The following SNX10 variants were observed in gnomAD, a reference collection of about 807,000 sequenced individuals.
The protein encoded by SNX10 is sorting nexin-10.
A neutral mutation model predicts 28.5 loss-of-function variants in SNX10; 25 were observed. The ratio of observed to expected loss-of-function variants is 0.88; its 90% CI spans 0.64 to 1.22. The LOEUF (loss-of-function observed/expected upper bound fraction) is 1.22. Among genes scored for constraint, SNX10 ranks in the 50% most tolerant of loss-of-function variants. The pLI, the probability that SNX10 is intolerant of heterozygous loss-of-function variation, is 0.00. For synonymous variants in SNX10, 62 were observed against 81.4 expected (o/e 0.76, Z 1.28); for missense variants, 223 against 242.6 (o/e 0.92, Z 0.54).
chr7:26,309,810 C>T (rs1038988949), intron 1 of SNX10, among the ~76,000 whole-genome samples: 1 of 152,052 alleles, frequency 6.6e-6, no homozygotes, highest in Non-Finnish European at 1.5e-5. Context: ...CTGCCTGGGC[C>T]GCGATCCTGG....
At position 26,335,735 on chromosome 7, in the gene SNX10, C is replaced by CTTTT. The variant is rs57340085; in HGVS notation, c.-23-10662_-23-10659dup. ...AAAATAACCTCGCAGATGGAATATT[C>CTTTT]TTTTTTTTTTTTTTTTTTTTTTTTT... On this transcript the variant is annotated intron_variant, in intron 1 of 6. Transcript: ENST00000338523. 2.3e-3 allele frequency among the ~76,000 whole-genome samples: 191 copies of CTTTT among 84,268 alleles called. 22 individuals carry two copies. Among genetic ancestry groups the CTTTT allele is most frequent in the Non-Finnish European group, 2.8e-3 (120 of 43,300 alleles). The allele number at this position is 84,268 out of a possible 152,430, so 55.3% of individuals were successfully genotyped here. A position where few individuals can be genotyped will look rare whatever the true frequency, so the allele number is the denominator to read the frequency against.
In SNX10 at chr7:26,364,383, C is replaced by T; in HGVS notation, c.112-152C>T. 1 of 1,380,890 alleles carries T rather than the reference C, an allele frequency of 7.2e-7. No homozygotes were observed. The highest frequency in any genetic ancestry group is 9.4e-7 in the Non-Finnish European group (1 of 1,068,134). 85.5% of individuals were successfully genotyped at this position (1,380,890 alleles called of 1,614,324 possible). ...GGCTGTTATGTTCCTGGGTTATGTGCAAGATTTCAGAGTACTGGCATAAAT... is the reference window on the plus strand; with the variant it reads ...GGCTGTTATGTTCCTGGGTTATGTGTAAGATTTCAGAGTACTGGCATAAAT... On this transcript the variant is annotated intron_variant, in intron 3 of 6. Transcript: ENST00000338523. The surrounding 1 kb of genome is among the most constrained non-coding windows in gnomAD (Gnocchi z 4.9).
chr7:26,358,961 A>G (rs915004247), intron 2 of SNX10, among the ~76,000 whole-genome samples: 1 of 151,604 alleles, frequency 6.6e-6, no homozygotes, highest in African/African-American at 2.4e-5. Context: ...GCCCAACACC[A>G]TGCCCAGCTA....
At chr7:26,339,540 TTTC>T (rs573675643) in intron 1 of SNX10, among the ~76,000 whole-genome samples, 20,649 of 69,334 alleles carry the variant, frequency 0.3, 2,041 homozygotes, top group South Asian at 0.52. Context: ...CTTTTTTTTT[TTTC>T]TTTTTTTTTT....
intron 1 of SNX10, among the ~76,000 whole-genome samples, chr7:26,307,434 T>C (rs2127996049): frequency 6.6e-6 from 1 of 152,216 alleles, no homozygotes; most frequent in Non-Finnish European, 1.5e-5. Flanking sequence ...TCCAAGTTTT[T>C]CTTGTTGTTT....
chr7:26,341,930 C>CTCCCTTCCCTTCCCT (rs55833517), intron 1 of SNX10, among the ~76,000 whole-genome samples: 13 of 146,928 alleles, frequency 8.8e-5, no homozygotes, highest in East Asian at 4.1e-4. Context: ...TTCTGTCCTT[C>CTCCCTTCCCTTCCCT]TCCCTTCCCT....
chr7:26,314,823 C>G (rs1787006269), intron 1 of SNX10, among the ~76,000 whole-genome samples: 1 of 152,028 alleles, frequency 6.6e-6, no homozygotes, highest in Non-Finnish European at 1.5e-5. Context: ...ACAGGTGAAA[C>G]CCTGTCTTTA....
At chr7:26,347,205 C>T (rs1378227735) in intron 2 of SNX10, among the ~76,000 whole-genome samples, 1 of 152,188 alleles carries the variant, frequency 6.6e-6, no homozygotes, top group African/African-American at 2.4e-5. Context: ...AAGCATGAAA[C>T]CATTTATTTC....
chr7:26,365,265 G>A, intron 5 of SNX10, 120 bp downstream of exon 5: 2 of 622,134 alleles, frequency 3.2e-6, no homozygotes, highest in East Asian at 2.8e-5. Context: ...CTGCACTAGA[G>A]CAAAACCCAG....
chr7:26,338,530 T>C (rs1056339871), intron 1 of SNX10, among the ~76,000 whole-genome samples: 26 of 152,148 alleles, frequency 1.7e-4, no homozygotes, highest in Admixed American at 6.5e-4. Flanking sequence ...GCCTCCCGAG[T>C]AGCTGGGACT....
intron 2 of SNX10, among the ~76,000 whole-genome samples, chr7:26,358,923 A>C (rs374128776): frequency 7.5e-4 from 111 of 147,078 alleles, no homozygotes; most frequent in Non-Finnish European, 1.0e-3. Flanking sequence ...TTCCTGCCTC[A>C]GCCTCCTGAG....
At position 26,364,465 on chromosome 7, in the gene SNX10, G is replaced by A; in HGVS notation, c.112-70G>A. ...TTAGAGTGAATGTTGAGATCATATT[G>A]TGAATTATAGATACAAGAAATGCAT... On this transcript the variant is annotated intron_variant, in intron 3 of 6. Transcript: ENST00000338523. The surrounding 1 kb of genome is among the most constrained non-coding windows in gnomAD (Gnocchi z 4.9). The A allele has an allele frequency of 8.0e-6, 12 of 1,509,420 alleles. No individual in the cohort carries two copies. The South Asian group carries it at 1.1e-4, about 14-fold the overall frequency. The allele number at this position is 1,509,420 out of a possible 1,614,324, so 93.5% of individuals were successfully genotyped here.
intron 3 of SNX10, among the ~76,000 whole-genome samples, chr7:26,361,717 A>G (rs766296376): frequency 6.6e-6 from 1 of 152,234 alleles, no homozygotes; most frequent in African/African-American, 2.4e-5. Context: ...GTTTCTGTCG[A>G]GACTACTCAT....
At chr7:26,318,302 G>T (rs182412887) in intron 1 of SNX10, among the ~76,000 whole-genome samples, 1 of 152,092 alleles carries the variant, frequency 6.6e-6, no homozygotes, top group Non-Finnish European at 1.5e-5. Context: ...TTTGAGAAAG[G>T]CGAGTCTTGC....
At chr7:26,344,320 C>T (rs1788298376) in intron 1 of SNX10, among the ~76,000 whole-genome samples, 1 of 152,030 alleles carries the variant, frequency 6.6e-6, no homozygotes, top group Non-Finnish European at 1.5e-5. Context: ...CACGGGCGTG[C>T]CATGACTCCC....
chr7:26,374,210 A>G lies in SNX10; in HGVS notation c.*1638A>G, dbSNP rs1385263558. 3.9e-5 allele frequency: 6 copies of G among 151,980 alleles called. No homozygotes were observed. The highest frequency in any genetic ancestry group is 1.4e-4 in the African/African-American group (6 of 41,422). The allele number at this position is 151,980 out of a possible 1,614,324, so 9.4% of individuals were successfully genotyped here. On this transcript the variant is annotated 3_prime_UTR_variant, in exon 7 of 7. Transcript: ENST00000338523. ...TTGAAAAACACATACTATGCCACCA[A>G]TTGTCATATTATTTTTAGATGATGT... is the stretch of plus-strand genomic sequence containing the variant.
At chr7:26,339,555 A>C (rs1450516940) in intron 1 of SNX10, among the ~76,000 whole-genome samples, 2 of 75,648 alleles carry the variant, frequency 2.6e-5, no homozygotes, top group Non-Finnish European at 2.3e-5. Context: ...TTTTTTTTTG[A>C]CAGAGTCTCA....
chr7:26,330,114 G>A (rs1031545006), intron 1 of SNX10, among the ~76,000 whole-genome samples: 3 of 152,144 alleles, frequency 2.0e-5, no homozygotes, highest in Non-Finnish European at 4.4e-5. Flanking sequence ...ATGGGGGTTG[G>A]TAAGCAGAGG....
At chr7:26,349,290 G>A (rs944582714) in intron 2 of SNX10, among the ~76,000 whole-genome samples, 3 of 152,068 alleles carry the variant, frequency 2.0e-5, no homozygotes, top group Admixed American at 6.5e-5. Context: ...ATACAGCCTG[G>A]GAGTGACATC....
Sources: allele counts gnomAD v4.1 joint callset (sites outside exome capture counted in the v4.1 genomes callset), GRCh38; gene constraint gnomAD v4.1.1; non-coding constraint Gnocchi (gnomAD v3.1); transcripts MANE v1.5; gene names NCBI Gene and HGNC (gene_info 2026-07-23, HGNC 2026-07-21).